PCA3: variants seen among roughly 807,000 people sequenced by gnomAD.
The protein encoded by PCA3 is prostate cancer associated 3, also known as Differential Display code 3.
chr9:76,766,381 T>A lies in PCA3; in HGVS notation n.852+29766T>A, dbSNP rs191667248. ...TGTGCCTTGTGGGAGAATACGTTAC[T>A]AATGGTCACTGGAAGAAAAGGAGTC... On this transcript the variant is annotated intron_variant and non_coding_transcript_variant, in intron 2 of 5. Transcript: ENST00000644657. 2.6e-5 allele frequency among the ~76,000 whole-genome samples: 4 copies of A among 152,258 alleles called. No individual in the cohort carries two copies. In the East Asian group the frequency reaches 7.7e-4, roughly 29 times the overall value.
At chr9:76,780,362 T>C (rs1406234122) in intron 2 of PCA3, among the ~76,000 whole-genome samples, 3 of 152,062 alleles carry the variant, frequency 2.0e-5, no homozygotes, top group Non-Finnish European at 4.4e-5. Context: ...AGAGACCATT[T>C]AGTCTGGCCA....
intron 2 of PCA3, among the ~76,000 whole-genome samples, chr9:76,775,891 T>C (rs2053678986): frequency 6.7e-6 from 1 of 150,302 alleles, no homozygotes; most frequent in South Asian, 2.1e-4. Context: ...TTTCTATAAC[T>C]TCCATTACTC....
chr9:76,766,490 C>G (rs1020828569), intron 2 of PCA3, among the ~76,000 whole-genome samples: 3 of 152,158 alleles, frequency 2.0e-5, no homozygotes, highest in Non-Finnish European at 4.4e-5. Flanking sequence ...GCATCTGAAC[C>G]AACATTAACA....
At chr9:76,781,551 C>A (rs541746458) in intron 2 of PCA3, among the ~76,000 whole-genome samples, 1 of 152,332 alleles carries the variant, frequency 6.6e-6, no homozygotes, top group African/African-American at 2.4e-5. Context: ...GGAGAACTTA[C>A]ACACCTCCCT....
intron 2 of PCA3, among the ~76,000 whole-genome samples, chr9:76,777,387 G>A (rs1157719675): frequency 6.6e-6 from 1 of 152,120 alleles, no homozygotes; most frequent in East Asian, 1.9e-4. Context: ...AGGAGCACTG[G>A]CCAGCCATGC....
At chr9:76,787,386 C>T (rs1347413259) in intron 2 of PCA3, 2 of 151,122 alleles carry the variant, frequency 1.3e-5, no homozygotes, top group East Asian at 2.0e-4. Context: ...ATAAGTGATT[C>T]GGGGGGTGGG....
intron 2 of PCA3, among the ~76,000 whole-genome samples, chr9:76,778,045 C>T (rs1398883019): frequency 1.3e-5 from 2 of 152,248 alleles, no homozygotes; most frequent in Non-Finnish European, 2.9e-5. Flanking sequence ...ATTTTCCATC[C>T]AGAGGTTCCC....
chr9:76,766,587 T>A (rs2052418440), intron 2 of PCA3, among the ~76,000 whole-genome samples: 1 of 152,196 alleles, frequency 6.6e-6, no homozygotes, highest in Non-Finnish European at 1.5e-5. Flanking sequence ...TTTCTGGGAA[T>A]CTTGCTTTCC....
intron 2 of PCA3, among the ~76,000 whole-genome samples, chr9:76,783,111 T>C (rs2054597222): frequency 6.6e-6 from 1 of 152,150 alleles, no homozygotes; most frequent in Admixed American, 6.5e-5. Flanking sequence ...TTGATTAACA[T>C]CAGTTGTATC....
At chr9:76,768,583 ATGTG>A (rs55793596) in intron 2 of PCA3, among the ~76,000 whole-genome samples, 6,219 of 103,148 alleles carry the variant, frequency 0.06, 149 homozygotes, top group Non-Finnish European at 0.077. Flanking sequence ...ATGTATATGT[ATGTG>A]TGTGTGTGTG....
intron 2 of PCA3, among the ~76,000 whole-genome samples, chr9:76,781,665 C>G (rs1189884509): frequency 1.3e-5 from 2 of 152,194 alleles, no homozygotes; most frequent in Non-Finnish European, 2.9e-5. Context: ...TGCATGATTA[C>G]TTGTTTAATG....
At chr9:76,772,738 AT>A (rs1225226578) in intron 2 of PCA3, among the ~76,000 whole-genome samples, 1 of 151,954 alleles carries the variant, frequency 6.6e-6, no homozygotes, top group Non-Finnish European at 1.5e-5. Flanking sequence ...TAATTGTTTA[AT>A]TTTTTGTAGA....
At chr9:76,783,442 A>T (rs572589432) in intron 2 of PCA3, among the ~76,000 whole-genome samples, 20 of 152,114 alleles carry the variant, frequency 1.3e-4, no homozygotes, top group Non-Finnish European at 2.5e-4. Flanking sequence ...CCAAGAAGTC[A>T]TATGACCTGT....
Position 76,770,350 on chromosome 9 carries a change from A to T in PCA3, n.852+33735A>T, listed in dbSNP as rs183400523. ...TGGGAATGAGAATTCCTTGGGCATT[A>T]AAATATCAAGGATTTTTTTAAAGTG... On this transcript the variant is annotated intron_variant and non_coding_transcript_variant, in intron 2 of 5. Transcript: ENST00000644657. Among the ~76,000 whole-genome samples the T allele has an allele frequency of 3.3e-3, 502 of 152,310 alleles. 2 individuals carry two copies. The highest frequency in any genetic ancestry group is 5.5e-3 in the Non-Finnish European group (373 of 67,996).
chr9:76,782,845 G>C (rs2054567300), intron 2 of PCA3: 2 of 152,226 alleles, frequency 1.3e-5, no homozygotes, highest in South Asian at 4.1e-4. Context: ...GAGTTACATG[G>C]TAGAACGAAG....
chr9:76,766,677 C>T (rs576824157), intron 2 of PCA3, among the ~76,000 whole-genome samples: 6 of 152,196 alleles, frequency 3.9e-5, no homozygotes, highest in South Asian at 2.1e-4. Context: ...CAGTCACACT[C>T]GTCTTCTTCA....
chr9:76,777,553 A>G (rs2053935195), intron 2 of PCA3, among the ~76,000 whole-genome samples: 1 of 152,204 alleles, frequency 6.6e-6, no homozygotes, highest in Non-Finnish European at 1.5e-5. Flanking sequence ...TCAATTCAAT[A>G]AATATTTGTT....
intron 2 of PCA3, among the ~76,000 whole-genome samples, chr9:76,771,534 G>T (rs1353846309): frequency 1.3e-5 from 2 of 152,152 alleles, no homozygotes; most frequent in African/African-American, 4.8e-5. Flanking sequence ...CGGTGAGTCG[G>T]GGGTCAGGGA....
intron 2 of PCA3, among the ~76,000 whole-genome samples, chr9:76,775,134 T>C (rs2053597370): frequency 6.6e-6 from 1 of 152,176 alleles, no homozygotes; most frequent in Non-Finnish European, 1.5e-5. Flanking sequence ...ATCAAGTTTA[T>C]TTGGTCGGGG....
Sources: allele counts gnomAD v4.1 joint callset (sites outside exome capture counted in the v4.1 genomes callset), GRCh38; gene constraint gnomAD v4.1.1; transcripts MANE v1.5; gene names NCBI Gene and HGNC (gene_info 2026-07-23, HGNC 2026-07-21).